Variants in FHIT observed in about 807,000 individuals in gnomAD.
FHIT encodes bis(5'-adenosyl)-triphosphatase.
Under a neutral mutation model 17.9 loss-of-function variants are expected in FHIT, and 19 were observed. That is an observed-to-expected ratio of 1.06 (90% confidence interval 0.74 to 1.56). FHIT has a LOEUF of 1.56. FHIT is among the 40% of genes most tolerant of loss of function. FHIT has a pLI of 0.00. For missense variants in FHIT, 248 were observed against 189.2 expected (o/e 1.31, Z -1.82); for synonymous variants, 81 against 69.7 (o/e 1.16, Z -0.81).
chr3:61,137,063 T>C (rs1432165596), intron 2 of FHIT, among the ~76,000 whole-genome samples: 2 of 152,150 alleles, frequency 1.3e-5, no homozygotes, highest in Admixed American at 6.5e-5. Flanking sequence ...GATGCTTCCA[T>C]GTTGGAGGGA....
intron 5 of FHIT, among the ~76,000 whole-genome samples, chr3:60,456,908 C>T (rs1288823129): frequency 6.6e-6 from 1 of 152,086 alleles, no homozygotes; most frequent in Admixed American, 6.6e-5. Context: ...GAACTACAAA[C>T]CACTGCTCAA....
At chr3:59,869,866 C>T (rs1044303965) in intron 8 of FHIT, among the ~76,000 whole-genome samples, 1 of 152,038 alleles carries the variant, frequency 6.6e-6, no homozygotes, top group Non-Finnish European at 1.5e-5. Flanking sequence ...GGAAATTTTA[C>T]TCTTAGTTTT....
intron 4 of FHIT, among the ~76,000 whole-genome samples, chr3:60,741,984 C>T (rs528092484): frequency 2.0e-5 from 3 of 152,186 alleles, no homozygotes; most frequent in Non-Finnish European, 4.4e-5. Context: ...ACTCAGGAAG[C>T]TTTACTTAAT....
intron 5 of FHIT, among the ~76,000 whole-genome samples, chr3:60,035,584 C>T (rs1559568559): frequency 6.6e-6 from 1 of 152,136 alleles, no homozygotes; most frequent in Non-Finnish European, 1.5e-5. Flanking sequence ...ATAAGTTTTG[C>T]AAACTTTCAG....
intron 4 of FHIT, among the ~76,000 whole-genome samples, chr3:60,668,013 GGA>G (rs1353463596): frequency 6.6e-6 from 1 of 152,040 alleles, no homozygotes; most frequent in Non-Finnish European, 1.5e-5. Context: ...GGGCAGGGAA[GGA>G]GAGTCTCAGG....
chr3:60,464,840 T>G (rs1283965660), intron 5 of FHIT, among the ~76,000 whole-genome samples: 1 of 152,154 alleles, frequency 6.6e-6, no homozygotes, highest in Admixed American at 6.6e-5. Context: ...AGATAGCTCT[T>G]CAATACACTG....
intron 5 of FHIT, among the ~76,000 whole-genome samples, chr3:60,389,322 G>C (rs762209193): frequency 6.6e-6 from 1 of 152,240 alleles, no homozygotes; most frequent in Non-Finnish European, 1.5e-5. Flanking sequence ...GATATTTATG[G>C]CAAGTTTTAG....
intron 5 of FHIT, among the ~76,000 whole-genome samples, chr3:60,403,507 G>A (rs1701740182): frequency 1.3e-5 from 2 of 152,032 alleles, no homozygotes; most frequent in African/African-American, 4.8e-5. Flanking sequence ...TCTCCCCATA[G>A]GCCAGCCACA....
At chr3:60,746,464 C>T (rs567413952) in intron 4 of FHIT, among the ~76,000 whole-genome samples, 3 of 152,254 alleles carry the variant, frequency 2.0e-5, no homozygotes, top group East Asian at 1.9e-4. Context: ...CCTATGGTTC[C>T]GCCACACAAT....
chr3:60,556,000 A>G (rs562050231), intron 4 of FHIT, among the ~76,000 whole-genome samples: 6 of 152,200 alleles, frequency 3.9e-5, no homozygotes, highest in Non-Finnish European at 8.8e-5. Flanking sequence ...TGCCTTCCTT[A>G]TAATAACACT....
At chr3:59,973,411 C>G (rs79043939) in intron 7 of FHIT, among the ~76,000 whole-genome samples, 1,717 of 152,206 alleles carry the variant, frequency 0.011, 33 homozygotes, top group African/African-American at 0.039. Context: ...ACCAACCTCT[C>G]TCTTCTGCCA....
intron 5 of FHIT, among the ~76,000 whole-genome samples, chr3:60,015,048 T>C (rs937922884): frequency 6.6e-6 from 1 of 151,386 alleles, no homozygotes; most frequent in Non-Finnish European, 1.5e-5. Flanking sequence ...TATAAATATT[T>C]GTTTAGTTTT....
Position 60,076,063 on chromosome 3 carries a change from G to A in FHIT, c.104-61911C>T, listed in dbSNP as rs540182740. Among the ~76,000 whole-genome samples, 54 of 152,168 alleles carry A rather than the reference G, an allele frequency of 3.5e-4. 1 individual carries two copies. The South Asian group carries it at 0.011, about 30-fold the overall frequency. ...AAGTATGATAGTCATTTTGCCAGAG[G>A]AGCCTCAATAATCCCTGAGCTGAAA... On this transcript the variant is annotated intron_variant, in intron 5 of 9. Transcript: ENST00000492590.
Position 60,912,485 on chromosome 3 carries a change from C to T in FHIT, c.-110-90474G>A, listed in dbSNP as rs568912201. 1.8e-4 allele frequency among the ~76,000 whole-genome samples: 28 copies of T among 152,206 alleles called. 1 individual carries two copies. The highest frequency in any genetic ancestry group is 3.4e-3 in the Middle Eastern group (1 of 294). On this transcript the variant is annotated intron_variant, in intron 3 of 9. Coordinates refer to ENST00000492590, the MANE Select transcript of FHIT (RefSeq NM_002012.4). ...AGGTGAGGAGTGGCAGAATATGCCACCCCAAAATATGCCACTTTGGCATGA... is the reference window on the plus strand; with the variant it reads ...AGGTGAGGAGTGGCAGAATATGCCATCCCAAAATATGCCACTTTGGCATGA...
intron 5 of FHIT, among the ~76,000 whole-genome samples, chr3:60,075,876 A>T (rs1702984792): frequency 6.6e-6 from 1 of 152,100 alleles, no homozygotes. Context: ...CCTTATAATG[A>T]TGTCCCTTTT....
At chr3:59,810,294 G>A (rs563281830) in intron 8 of FHIT, among the ~76,000 whole-genome samples, 1 of 152,280 alleles carries the variant, frequency 6.6e-6, no homozygotes, top group South Asian at 2.1e-4. Context: ...GAGGCTCAGA[G>A]AGAGTGACAA....
intron 3 of FHIT, among the ~76,000 whole-genome samples, chr3:60,865,701 T>C (rs1553753702): frequency 6.6e-6 from 1 of 152,168 alleles, no homozygotes; most frequent in Admixed American, 6.6e-5. Flanking sequence ...TTAAGGCTCA[T>C]GACTCCCTGT....
intron 8 of FHIT, among the ~76,000 whole-genome samples, chr3:59,833,476 A>T (rs957551287): frequency 1.6e-4 from 24 of 152,172 alleles, no homozygotes; most frequent in Admixed American, 5.2e-4. Flanking sequence ...AAAGGCAAGG[A>T]AGGATTCCTC....
intron 7 of FHIT, among the ~76,000 whole-genome samples, chr3:59,992,490 T>C (rs954024695): frequency 2.6e-5 from 4 of 152,108 alleles, no homozygotes; most frequent in African/African-American, 9.7e-5. Context: ...TAGAAGCGTA[T>C]ACCAACAACA....
Sources: allele counts gnomAD v4.1 joint callset (sites outside exome capture counted in the v4.1 genomes callset), GRCh38; gene constraint gnomAD v4.1.1; transcripts MANE v1.5; gene names NCBI Gene and HGNC (gene_info 2026-07-23, HGNC 2026-07-21).